The following KLF8 variants were observed in gnomAD, a reference collection of about 807,000 sequenced individuals.
KLF8 encodes the protein Krueppel-like factor 8.
KLF8 carries 10 observed loss-of-function variants against 18.2 expected under a neutral mutation model. The observed-to-expected ratio is 0.55, with a 90% CI of 0.34 to 0.93. The LOEUF (loss-of-function observed/expected upper bound fraction) is 0.93. Ranked by LOEUF, KLF8 falls within the 40% of genes least tolerant of loss-of-function variation. KLF8 has a pLI of 0.02. For missense variants in KLF8, 264 were observed against 277.9 expected (o/e 0.95, Z 0.36); for synonymous variants, 109 against 97.3 (o/e 1.12, Z -0.71).
the KLF8 span, among the ~76,000 whole-genome samples, chrX:56,138,126 A>G: frequency 3.4e-3 from 369 of 107,756 alleles, 2 homozygotes; most frequent in African/African-American, 0.012. Context: ...CCTAAGATTG[A>G]AACAGGAAGG....
the KLF8 span, among the ~76,000 whole-genome samples, chrX:56,157,135 G>GA: frequency 9.9e-6 from 1 of 101,052 alleles, no homozygotes; most frequent in Non-Finnish European, 2.0e-5. Flanking sequence ...ATTGCAAGGA[G>GA]AAAAAAACCA....
intron 2 of KLF8, among the ~76,000 whole-genome samples, chrX:56,260,912 T>C (rs1743271764): frequency 1.8e-5 from 2 of 111,875 alleles, no homozygotes. Context: ...TACTGTGCTG[T>C]ATATAGTATT....
At chrX:56,041,853 C>T in the KLF8 span, among the ~76,000 whole-genome samples, 1 of 111,586 alleles carries the variant, frequency 9.0e-6, no homozygotes, top group African/African-American at 3.3e-5. Flanking sequence ...CAACACTCAG[C>T]TAACTTTTGT....
At chrX:55,957,813 T>C in the KLF8 span, among the ~76,000 whole-genome samples, 1 of 111,447 alleles carries the variant, frequency 9.0e-6, no homozygotes, top group Non-Finnish European at 1.9e-5. Context: ...ATTTATCAAT[T>C]TTGGGAATAA....
At chrX:56,253,663 T>A (rs1201917645) in intron 2 of KLF8, among the ~76,000 whole-genome samples, 1 of 111,283 alleles carries the variant, frequency 9.0e-6, no homozygotes, top group Non-Finnish European at 1.9e-5. Context: ...AGTTTTGTTC[T>A]TTTTGCTTAG....
chrX:55,970,086 G>A, the KLF8 span, among the ~76,000 whole-genome samples: 4 of 110,649 alleles, frequency 3.6e-5, 1 homozygote, highest in Admixed American at 9.7e-5. Context: ...TATGAGGCCA[G>A]TATTACTCTC....
chrX:55,909,069 T>C, the KLF8 span, among the ~76,000 whole-genome samples: 2 of 111,575 alleles, frequency 1.8e-5, no homozygotes, highest in African/African-American at 6.5e-5. Flanking sequence ...TCCTCCCTCC[T>C]GGCATTCTTT....
the KLF8 span, among the ~76,000 whole-genome samples, chrX:56,069,753 C>T: frequency 8.9e-6 from 1 of 111,818 alleles, no homozygotes; most frequent in Non-Finnish European, 1.9e-5. Context: ...GCCCGGCTTC[C>T]TGCCCAGCAG....
At chrX:56,277,143 C>A in intron 5 of KLF8, among the ~76,000 whole-genome samples, 1 of 112,055 alleles carries the variant, frequency 8.9e-6, no homozygotes, top group East Asian at 2.8e-4. Context: ...CATATCTCTC[C>A]AGGATTGGTC....
At chrX:56,248,775 G>T (rs970847589) in intron 1 of KLF8, among the ~76,000 whole-genome samples, 1 of 111,374 alleles carries the variant, frequency 9.0e-6, no homozygotes, top group African/African-American at 3.3e-5. Flanking sequence ...ATCAGAAAAA[G>T]CTTAGCTACC....
the KLF8 span, among the ~76,000 whole-genome samples, chrX:56,138,016 G>A: frequency 1.1e-5 from 1 of 91,244 alleles, no homozygotes; most frequent in African/African-American, 4.2e-5. Flanking sequence ...AAATGACAAA[G>A]TGGCCATTAC....
At chrX:56,093,186 A>G in the KLF8 span, among the ~76,000 whole-genome samples, 1 of 111,356 alleles carries the variant, frequency 9.0e-6, no homozygotes, top group Non-Finnish European at 1.9e-5. Context: ...CAAACCAGAA[A>G]TCCAGGTAGC....
chrX:55,967,596 C>T, the KLF8 span, among the ~76,000 whole-genome samples: 1 of 111,335 alleles, frequency 9.0e-6, no homozygotes, highest in Admixed American at 9.6e-5. Flanking sequence ...CAGACCCATC[C>T]TACAAGAAAT....
At chrX:56,241,770 C>T (rs1246761978) in intron 1 of KLF8, among the ~76,000 whole-genome samples, 1 of 111,922 alleles carries the variant, frequency 8.9e-6, no homozygotes, top group Non-Finnish European at 1.9e-5. Flanking sequence ...TTTCACATGG[C>T]CTTCTTTAAT....
the KLF8 span, among the ~76,000 whole-genome samples, chrX:55,917,811 T>A: frequency 2.7e-5 from 3 of 112,216 alleles, no homozygotes; most frequent in Non-Finnish European, 5.6e-5. Context: ...AGTACAATTC[T>A]ATGAAATATT....
At chrX:55,961,144 T>C in the KLF8 span, 1 of 186,796 alleles carries the variant, frequency 5.4e-6, no homozygotes, top group Admixed American at 6.6e-5. Flanking sequence ...TTAACAATTC[T>C]AAATATGGCC....
the KLF8 span, among the ~76,000 whole-genome samples, chrX:55,985,322 A>G: frequency 3.6e-5 from 4 of 111,614 alleles, no homozygotes; most frequent in Non-Finnish European, 7.5e-5. Flanking sequence ...GCAATTTTTA[A>G]TTCTTTAATT....
At chrX:55,987,191 T>G in the KLF8 span, among the ~76,000 whole-genome samples, 2 of 109,453 alleles carry the variant, frequency 1.8e-5, no homozygotes, top group African/African-American at 6.6e-5. Flanking sequence ...CTTTTTTTTT[T>G]TCATTTTAAT....
chrX:56,262,612 G>A (rs2066898047), intron 2 of KLF8, among the ~76,000 whole-genome samples: 1 of 111,111 alleles, frequency 9.0e-6, no homozygotes, highest in African/African-American at 3.3e-5. Flanking sequence ...TTATACACCT[G>A]CACCCACAAC....
Sources: gnomAD v4.1 joint callset for allele counts (sites outside exome capture counted in the v4.1 genomes callset) on GRCh38, gnomAD v4.1.1 for gene constraint, MANE v1.5 for transcripts, NCBI Gene and HGNC (gene_info 2026-07-23, HGNC 2026-07-21) for gene names.